Variants in PCDHGA7 observed in about 807,000 individuals in gnomAD.
PCDHGA7 encodes the protein protocadherin gamma-A7.
Under a neutral mutation model 58.3 loss-of-function variants are expected in PCDHGA7, and 44 were observed. The observed-to-expected ratio is 0.75, with a 90% CI of 0.59 to 0.97. The LOEUF is 0.97. Among genes scored for constraint, PCDHGA7 ranks in the 50% least tolerant of loss-of-function variants. The probability of loss-of-function intolerance (pLI) is 0.00; values close to 1 mark genes in which losing one functional copy is unlikely to be tolerated. For synonymous variants in PCDHGA7, 516 were observed against 504.2 expected (o/e 1.02, Z -0.31); for missense variants, 1,266 against 1,188.7 (o/e 1.06, Z -0.96).
chr5:141,385,771 C>A, intron 1 of PCDHGA7: 1 of 163,128 alleles, frequency 6.1e-6, no homozygotes, highest in Non-Finnish European at 1.3e-5. Context: ...CTGATTCTGC[C>A]TCCATGTACC....
intron 1 of PCDHGA7, chr5:141,418,010 G>A: frequency 6.2e-7 from 1 of 1,613,914 alleles, no homozygotes; most frequent in African/African-American, 1.3e-5. Flanking sequence ...GGGGAACCTC[G>A]CTAAGGATCT....
chr5:141,442,898 TCTC>T (rs1427810429), intron 1 of PCDHGA7, among the ~76,000 whole-genome samples: 14 of 152,222 alleles, frequency 9.2e-5, no homozygotes, highest in Admixed American at 9.2e-4. Context: ...GCTTATCACT[TCTC>T]CTTCAGCACA....
At chr5:141,488,564 G>T (rs1047904416) in intron 1 of PCDHGA7, among the ~76,000 whole-genome samples, 1 of 152,154 alleles carries the variant, frequency 6.6e-6, no homozygotes, top group African/African-American at 2.4e-5. Context: ...TGAGATTTCC[G>T]CAAAGCATTG....
chr5:141,499,253 T>C (rs1189676230), intron 2 of PCDHGA7, among the ~76,000 whole-genome samples: 1 of 152,030 alleles, frequency 6.6e-6, no homozygotes, highest in Non-Finnish European at 1.5e-5. Context: ...ACAAAGAGTC[T>C]CCATTTGGTC....
At chr5:141,496,602 C>A (rs981108050) in intron 2 of PCDHGA7, among the ~76,000 whole-genome samples, 5 of 152,150 alleles carry the variant, frequency 3.3e-5, no homozygotes, top group Admixed American at 1.3e-4. Flanking sequence ...TCTTAGAAGG[C>A]CCCTAAAAAG....
chr5:141,433,850 A>C (rs899643386), intron 1 of PCDHGA7, among the ~76,000 whole-genome samples: 2 of 151,896 alleles, frequency 1.3e-5, no homozygotes, highest in East Asian at 3.9e-4. Flanking sequence ...AAAAAAAAAA[A>C]AAAAACTTTA....
chr5:141,478,420 C>A, intron 1 of PCDHGA7: 1 of 1,613,676 alleles, frequency 6.2e-7, no homozygotes, highest in Non-Finnish European at 8.5e-7. Context: ...ACTCCCGCCG[C>A]AGCGACCCGC....
intron 1 of PCDHGA7, among the ~76,000 whole-genome samples, chr5:141,483,203 A>G (rs940487337): frequency 6.6e-6 from 1 of 152,204 alleles, no homozygotes; most frequent in Admixed American, 6.5e-5. Flanking sequence ...ATTTTATTCC[A>G]TATAGATGAC....
At chr5:141,388,735 C>T (rs758511912) in intron 1 of PCDHGA7, 9 of 1,613,974 alleles carry the variant, frequency 5.6e-6, no homozygotes, top group Non-Finnish European at 7.6e-6. Context: ...TTCAGTGAAG[C>T]TAGCCAGATC....
chr5:141,432,374 C>A lies in PCDHGA7; in HGVS notation c.2424+47051C>A. 2.5e-6 allele frequency: 4 copies of A among 1,614,240 alleles called. No individual in the cohort carries two copies. Among genetic ancestry groups the A allele is most frequent in the Non-Finnish European group, 3.4e-6 (4 of 1,180,042 alleles). On this transcript the variant is annotated intron_variant, in intron 1 of 3. Coordinates refer to ENST00000518325, the MANE Select transcript of PCDHGA7 (RefSeq NM_018920.4). This position sits in a 1 kb window ranked among gnomAD's most constrained non-coding sequence, Gnocchi z 6.0. ...GAAAGTGATGGCGCGGGACAACGGG[C>A]ACCCGCCCCTCAGCAGCAACGTGTC...
chr5:141,427,052 C>T (rs79280874), intron 1 of PCDHGA7: 9,800 of 457,514 alleles, frequency 0.021, 162 homozygotes, highest in Middle Eastern at 0.051. Flanking sequence ...TGCCCCCAGG[C>T]ACCTCTGTAC....
At chr5:141,408,605 A>G (rs1374368607) in intron 1 of PCDHGA7, 1 of 1,614,060 alleles carries the variant, frequency 6.2e-7, no homozygotes, top group South Asian at 1.1e-5. Flanking sequence ...TCAATTTGAT[A>G]AAAAGGAAAT....
intron 1 of PCDHGA7, chr5:141,403,838 G>C: frequency 6.2e-7 from 1 of 1,613,710 alleles, no homozygotes; most frequent in Non-Finnish European, 8.5e-7. Context: ...CCAGCTTAAT[G>C]AAAATACTGG....
At chr5:141,478,598 A>C in intron 1 of PCDHGA7, 1 of 1,566,350 alleles carries the variant, frequency 6.4e-7, no homozygotes, top group South Asian at 1.2e-5. Flanking sequence ...TTATTCCTAC[A>C]TCATATTGAG....
At chr5:141,415,312 A>G (rs1245475147) in intron 1 of PCDHGA7, 1 of 1,614,222 alleles carries the variant, frequency 6.2e-7, no homozygotes, top group Non-Finnish European at 8.5e-7. Context: ...GGCCTTCGTC[A>G]TCGTGCTGCT....
At chr5:141,449,436 A>T (rs1177598228) in intron 1 of PCDHGA7, among the ~76,000 whole-genome samples, 1 of 151,792 alleles carries the variant, frequency 6.6e-6, no homozygotes, top group African/African-American at 2.4e-5. Flanking sequence ...ATAAAACTCC[A>T]TCTCTACTAA....
At chr5:141,421,721 T>G in intron 1 of PCDHGA7, 1 of 1,613,940 alleles carries the variant, frequency 6.2e-7, no homozygotes, top group Non-Finnish European at 8.5e-7. Flanking sequence ...GATGTGGGCG[T>G]GAACTCCCTC....
chr5:141,486,168 A>C lies in PCDHGA7; in HGVS notation c.2425-8639A>C, dbSNP rs774913463. 6.2e-7 allele frequency: 1 copy of C among 1,614,196 alleles called. No homozygotes were observed. Among genetic ancestry groups the C allele is most frequent in the South Asian group, 1.1e-5 (1 of 91,084 alleles). On this transcript the variant is annotated intron_variant, in intron 1 of 3. Transcript: ENST00000518325. The surrounding 1 kb of genome is among the most constrained non-coding windows in gnomAD (Gnocchi z 5.0). ...GATGGGGGTTCTCCAGCCATGGAGC[A>C]ACATTGCAGCCTTCGAGTGGATCTG...
rs1219684339 is a variant in PCDHGA7, at chr5:141,506,444, CAAAAAAAAAAA to C, written c.2572+974_2572+984del. Among the ~76,000 whole-genome samples, 33 of 95,024 alleles carry C rather than the reference CAAAAAAAAAAA, an allele frequency of 3.5e-4. No individual in the cohort carries two copies. The East Asian group carries it at 0.011, about 31-fold the overall frequency. The allele number at this position is 95,024 out of a possible 152,430, so 62.3% of individuals were successfully genotyped here. On this transcript the variant is annotated intron_variant, in intron 3 of 3. Coordinates refer to ENST00000518325, the MANE Select transcript of PCDHGA7 (RefSeq NM_018920.4). ...CCTGGGCAACAGTCTCGCTCTGTCTCAAAAAAAAAAAAAAAAAAAAAGAGCACAGGCTTTAG... is the reference window on the plus strand; with the variant it reads ...CCTGGGCAACAGTCTCGCTCTGTCTCAAAAAAAAAAGAGCACAGGCTTTAG...
Sources: allele counts gnomAD v4.1 joint callset (sites outside exome capture counted in the v4.1 genomes callset), GRCh38; gene constraint gnomAD v4.1.1; non-coding constraint Gnocchi (gnomAD v3.1); transcripts MANE v1.5; gene names NCBI Gene and HGNC (gene_info 2026-07-23, HGNC 2026-07-21).